Variants in MALRD1 observed in about 807,000 individuals in gnomAD.
The protein encoded by MALRD1 is MAM and LDL receptor class A domain containing 1, also known as MAM and LDL-receptor class A domain-containing protein 1.
A neutral mutation model predicts 242.1 loss-of-function variants in MALRD1; 247 were observed. That is an observed-to-expected ratio of 1.02 (90% confidence interval 0.92 to 1.13). The LOEUF is 1.13. Among genes scored for constraint, MALRD1 ranks in the 50% most tolerant of loss-of-function variants. The probability of loss-of-function intolerance (pLI) is 0.00; values close to 1 mark genes in which losing one functional copy is unlikely to be tolerated. For missense variants in MALRD1, 2,989 were observed against 2,533.1 expected (o/e 1.18, Z -3.86); for synonymous variants, 995 against 866.6 (o/e 1.15, Z -2.60).
At chr10:19,168,098 A>G (rs1050846190) in intron 13 of MALRD1, among the ~76,000 whole-genome samples, 8 of 152,192 alleles carry the variant, frequency 5.3e-5, no homozygotes, top group Non-Finnish European at 4.4e-5. Context: ...TTCCCGCTTG[A>G]TCAGAACTCT....
chr10:19,076,750 C>A (rs932254758), intron 2 of MALRD1, among the ~76,000 whole-genome samples: 1 of 151,864 alleles, frequency 6.6e-6, no homozygotes, highest in African/African-American at 2.4e-5. Flanking sequence ...TTGTTATTTT[C>A]TTTCAGGAGT....
At chr10:19,168,108 T>C (rs1404859184) in intron 13 of MALRD1, among the ~76,000 whole-genome samples, 2 of 152,208 alleles carry the variant, frequency 1.3e-5, no homozygotes, top group African/African-American at 2.4e-5. Context: ...ATCAGAACTC[T>C]AGGCTCGATC....
chr10:19,297,863 T>C (rs986707762), intron 21 of MALRD1, among the ~76,000 whole-genome samples: 4 of 151,878 alleles, frequency 2.6e-5, no homozygotes, highest in African/African-American at 9.7e-5. Context: ...AAGGTAATTT[T>C]TGAGTTGGCT....
chr10:19,327,546 T>A lies in MALRD1; in HGVS notation c.3577-17T>A. The A allele has an allele frequency of 6.5e-7, 1 of 1,533,434 alleles. No individual in the cohort carries two copies. Among genetic ancestry groups the A allele is most frequent in the Non-Finnish European group, 8.8e-7 (1 of 1,133,088 alleles). The allele number at this position is 1,533,434 out of a possible 1,614,324, so 95.0% of individuals were successfully genotyped here. Reference sequence around the variant, plus strand: ...GATAAAATACTTCAGTGCCTTTTACTTGATTTATCTCTATAGGTGCTCATC... The same window carrying A: ...GATAAAATACTTCAGTGCCTTTTACATGATTTATCTCTATAGGTGCTCATC... On this transcript the variant is annotated splice_polypyrimidine_tract_variant and intron_variant, in intron 22 of 39. Coordinates refer to ENST00000454679, the MANE Select transcript of MALRD1 (RefSeq NM_001142308.3).
intron 18 of MALRD1, among the ~76,000 whole-genome samples, chr10:19,242,672 A>G (rs1311665578): frequency 6.6e-6 from 1 of 152,036 alleles, no homozygotes; most frequent in African/African-American, 2.4e-5. Context: ...GCCTTTTGTC[A>G]TTATACAGTG....
chr10:19,111,832 G>A (rs929978991), intron 5 of MALRD1, among the ~76,000 whole-genome samples: 24 of 152,158 alleles, frequency 1.6e-4, no homozygotes, highest in African/African-American at 5.8e-4. Context: ...TAAGGATTGA[G>A]GGCATATTTA....
chr10:19,365,404 C>T (rs892833712), intron 26 of MALRD1, among the ~76,000 whole-genome samples: 1 of 152,018 alleles, frequency 6.6e-6, no homozygotes, highest in Non-Finnish European at 1.5e-5. Context: ...AAGTTATTTT[C>T]TATTAGATAT....
Position 19,135,482 on chromosome 10 carries a change from A to G in MALRD1, c.1204-1092A>G, listed in dbSNP as rs537091732. Among the ~76,000 whole-genome samples, 5 of 152,272 alleles carry G rather than the reference A, an allele frequency of 3.3e-5. No individual in the cohort carries two copies. In the East Asian group the frequency reaches 7.7e-4, roughly 24 times the overall value. On this transcript the variant is annotated intron_variant, in intron 9 of 39. Transcript: ENST00000454679. ...CCCTCATGTTTTGAAAAGAAAATCT[A>G]TTCAGAAACTTTAAGCTGGATGAAA...
chr10:19,105,029 A>G (rs1178986230), intron 5 of MALRD1, among the ~76,000 whole-genome samples: 1 of 152,198 alleles, frequency 6.6e-6, no homozygotes, highest in African/African-American at 2.4e-5. Flanking sequence ...TGTAGTAAGA[A>G]CATTTGAAAT....
At chr10:19,097,971 A>G (rs1836105398) in intron 4 of MALRD1, among the ~76,000 whole-genome samples, 1 of 152,084 alleles carries the variant, frequency 6.6e-6, no homozygotes, top group African/African-American at 2.4e-5. Context: ...TACTTTCGGG[A>G]ACACCCTGCT....
At chr10:19,166,178 C>T (rs1333892385) in intron 13 of MALRD1, among the ~76,000 whole-genome samples, 3 of 152,110 alleles carry the variant, frequency 2.0e-5, no homozygotes, top group Admixed American at 6.5e-5. Flanking sequence ...TAAGTGAAGA[C>T]GTTGGATTAT....
At chr10:19,639,052 G>A (rs1840270699) in intron 36 of MALRD1, among the ~76,000 whole-genome samples, 1 of 152,032 alleles carries the variant, frequency 6.6e-6, no homozygotes, top group African/African-American at 2.4e-5. Flanking sequence ...AAACCAAACC[G>A]AAAGTAAAAA....
chr10:19,671,816 A>T (rs1841933541), intron 36 of MALRD1, among the ~76,000 whole-genome samples: 1 of 152,148 alleles, frequency 6.6e-6, no homozygotes, highest in Non-Finnish European at 1.5e-5. Flanking sequence ...TGTAGATGGG[A>T]TGGGGCAAAA....
At chr10:19,237,768 T>C (rs1267886172) in intron 18 of MALRD1, among the ~76,000 whole-genome samples, 1 of 124,726 alleles carries the variant, frequency 8.0e-6, no homozygotes, top group Non-Finnish European at 1.6e-5. Flanking sequence ...TAATTATATA[T>C]AAAAACATAA....
chr10:19,183,731 A>C (rs541735151), intron 14 of MALRD1, among the ~76,000 whole-genome samples: 1 of 152,232 alleles, frequency 6.6e-6, no homozygotes, highest in Non-Finnish European at 1.5e-5. Flanking sequence ...ATTTTGGTAA[A>C]TGAGAGAACA....
rs574961781 is a variant in MALRD1 at position 19,588,937 on chromosome 10, C to T, written c.5681-6257C>T. 3.3e-5 allele frequency among the ~76,000 whole-genome samples: 5 copies of T among 152,302 alleles called. No homozygotes were observed. The South Asian group carries it at 8.3e-4, about 25-fold the overall frequency. On this transcript the variant is annotated intron_variant, in intron 33 of 39. Coordinates refer to ENST00000454679, the MANE Select transcript of MALRD1 (RefSeq NM_001142308.3). The stretch of plus-strand genomic sequence containing the variant: ...GGATTACAGGCATGAGCCACCGCGC[C>T]CAGTCTAAAGCAACATTTCTTAACC...
intron 14 of MALRD1, among the ~76,000 whole-genome samples, chr10:19,182,913 T>C (rs1044163522): frequency 2.0e-5 from 3 of 152,210 alleles, no homozygotes; most frequent in Admixed American, 6.5e-5. Flanking sequence ...TAATTATTTC[T>C]TTAATCACAG....
At chr10:19,415,483 G>A (rs557448446) in intron 28 of MALRD1, among the ~76,000 whole-genome samples, 8 of 152,026 alleles carry the variant, frequency 5.3e-5, no homozygotes, top group African/African-American at 1.7e-4. Context: ...ACTAGCTTAA[G>A]GCTAATTAAG....
intron 36 of MALRD1, among the ~76,000 whole-genome samples, chr10:19,619,281 C>T (rs896518575): frequency 1.1e-4 from 17 of 151,952 alleles, no homozygotes; most frequent in African/African-American, 3.6e-4. Flanking sequence ...AAGCCGATTC[C>T]AGCCCAGCCA....
Sources: gnomAD v4.1 joint callset for allele counts (sites outside exome capture counted in the v4.1 genomes callset) on GRCh38, gnomAD v4.1.1 for gene constraint, MANE v1.5 for transcripts, NCBI Gene and HGNC (gene_info 2026-07-23, HGNC 2026-07-21) for gene names.